The following BRINP1 variants were observed in gnomAD, a reference collection of about 807,000 sequenced individuals.
BRINP1 encodes the protein BMP/retinoic acid-inducible neural-specific protein 1.
In BRINP1, 17 loss-of-function variants were observed where a neutral mutation model predicts 72.9. The observed-to-expected ratio is 0.23, with a 90% confidence interval of 0.16 to 0.35. BRINP1 has a LOEUF of 0.35. Ranked by LOEUF, BRINP1 falls within the 10% of genes least tolerant of loss-of-function variation. The probability of loss-of-function intolerance (pLI) is 1.00; values close to 1 mark genes in which losing one functional copy is unlikely to be tolerated. For synonymous variants in BRINP1, 418 were observed against 378.5 expected, an observed-to-expected ratio of 1.10 and a Z score of -1.21; for missense variants, 850 against 1,001.6, an observed-to-expected ratio of 0.85 and a Z score of 2.04.
chr9:119,255,907 A>T (rs953800225), intron 2 of BRINP1, among the ~76,000 whole-genome samples: 3 of 122,314 alleles, frequency 2.5e-5, no homozygotes, highest in African/African-American at 8.9e-5. Flanking sequence ...GTGAGCCGGG[A>T]TCGAGCCACT....
At chr9:119,180,550 C>T (rs1441014175) in intron 7 of BRINP1, among the ~76,000 whole-genome samples, 1 of 151,478 alleles carries the variant, frequency 6.6e-6, no homozygotes, top group Non-Finnish European at 1.5e-5. Context: ...ATGAATACGT[C>T]AAGTCAGTGG....
intron 2 of BRINP1, among the ~76,000 whole-genome samples, chr9:119,288,204 T>C (rs879614953): frequency 1.3e-5 from 2 of 152,196 alleles, no homozygotes; most frequent in Non-Finnish European, 2.9e-5. Flanking sequence ...CCTGAAGAGA[T>C]TCATTTAAGG....
intron 7 of BRINP1, among the ~76,000 whole-genome samples, chr9:119,199,637 A>C (rs1829782814): frequency 6.6e-6 from 1 of 152,162 alleles, no homozygotes; most frequent in Non-Finnish European, 1.5e-5. Flanking sequence ...TTAAGCTTCC[A>C]TGGATCTTAT....
intron 2 of BRINP1, among the ~76,000 whole-genome samples, chr9:119,271,769 C>A (rs1398947548): frequency 6.6e-6 from 1 of 151,848 alleles, no homozygotes; most frequent in Non-Finnish European, 1.5e-5. Context: ...TGTTGATTTG[C>A]CACTTCTTTG....
intron 7 of BRINP1, among the ~76,000 whole-genome samples, chr9:119,183,829 G>A (rs952891149): frequency 6.6e-6 from 1 of 152,098 alleles, no homozygotes; most frequent in Non-Finnish European, 1.5e-5. Context: ...TGAAAAAACT[G>A]AGGCTCAGAG....
At chr9:119,237,135 A>G (rs1830199434) in intron 5 of BRINP1, among the ~76,000 whole-genome samples, 1 of 152,112 alleles carries the variant, frequency 6.6e-6, no homozygotes, top group Non-Finnish European at 1.5e-5. Flanking sequence ...TCCCACTGAC[A>G]TTCAGAATCA....
chr9:119,313,448 C>T lies in BRINP1; in HGVS notation c.-50-43G>A, dbSNP rs950658242. Reference sequence around the variant, plus strand: ...AAAAAGAGAGAGAAAAAAAGAGAAACCAAAAGAGAGAGAGGAGAGGGGAAG... The same window carrying T: ...AAAAAGAGAGAGAAAAAAAGAGAAATCAAAAGAGAGAGAGGAGAGGGGAAG... On this transcript the variant is annotated intron_variant, in intron 1 of 7. Coordinates refer to ENST00000265922, the MANE Select transcript of BRINP1 (RefSeq NM_014618.3). The T allele has an allele frequency of 2.8e-6, 4 of 1,448,068 alleles. No homozygotes were observed. In the African/African-American group the frequency reaches 5.8e-5, roughly 21 times the overall value. The allele number at this position is 1,448,068 out of a possible 1,614,324, so 89.7% of individuals were successfully genotyped here. A position where few individuals can be genotyped will look rare whatever the true frequency, so the allele number is the denominator to read the frequency against.
intron 5 of BRINP1, among the ~76,000 whole-genome samples, chr9:119,219,686 AGAG>A (rs1830018796): frequency 7.1e-6 from 1 of 141,482 alleles, no homozygotes; most frequent in Non-Finnish European, 1.6e-5. Flanking sequence ...AGAGAGAGAG[AGAG>A]AGAGAGAAAG....
chr9:119,295,548 C>G (rs948259471), intron 2 of BRINP1, among the ~76,000 whole-genome samples: 4 of 152,068 alleles, frequency 2.6e-5, no homozygotes, highest in Non-Finnish European at 4.4e-5. Context: ...AGAAAAGGCA[C>G]AGTAAAAATA....
chr9:119,349,071 TCTTC>T (rs1410909909), intron 1 of BRINP1, among the ~76,000 whole-genome samples: 1 of 152,114 alleles, frequency 6.6e-6, no homozygotes, highest in Admixed American at 6.5e-5. Flanking sequence ...TGAACCCAAG[TCTTC>T]CAAGGCCCCT....
intron 1 of BRINP1, among the ~76,000 whole-genome samples, chr9:119,332,613 C>T (rs1831310604): frequency 6.6e-6 from 1 of 152,208 alleles, no homozygotes; most frequent in Non-Finnish European, 1.5e-5. Flanking sequence ...AACCTCTGTG[C>T]TCCTGCTACT....
intron 7 of BRINP1, among the ~76,000 whole-genome samples, chr9:119,185,065 T>C (rs2118842684): frequency 6.6e-6 from 1 of 152,212 alleles, no homozygotes; most frequent in African/African-American, 2.4e-5. Flanking sequence ...TTAGCTCAGG[T>C]CCATCTCACA....
chr9:119,282,951 A>G (rs675878), intron 2 of BRINP1: 450,919 of 984,880 alleles, frequency 0.46, 104,182 homozygotes, highest in Non-Finnish European at 0.47. Context: ...CTTCAATGTT[A>G]TATTAATCAC....
rs181226003 is a variant in BRINP1 at position 119,308,170 on chromosome 9, G to T, written c.218+4968C>A. On this transcript the variant is annotated intron_variant, in intron 2 of 7. Transcript: ENST00000265922. The stretch of plus-strand genomic sequence containing the variant: ...AGAGTCATCATGGAAAAATAAATGG[G>T]TGTTCTTTTTTTCCAGAAAACATCT... 3.6e-3 allele frequency among the ~76,000 whole-genome samples: 547 copies of T among 152,204 alleles called. 5 individuals carry two copies. The highest frequency in any genetic ancestry group is 0.028 in the South Asian group (133 of 4,820).
Position 119,208,730 on chromosome 9 carries a change from C to G in BRINP1, c.1134G>C (p.Leu378=). 1.2e-6 allele frequency: 2 copies of G among 1,612,956 alleles called. No individual in the cohort carries two copies. The highest frequency in any genetic ancestry group is 1.7e-6 in the Non-Finnish European group (2 of 1,180,016). ...VRCRHNPNHQ[L]PRERTIQQWL... is the part of the protein sequence containing the mutation. ...GTGGCAACACTTACCTCTCTCTAGG[C>G]AGCTGGTGGTTGGGATTGTGGCGAC... The change falls in exon 7 of 8, where the codon CTG becomes CTC. Residue 378 remains leucine, a synonymous_variant. Transcript: ENST00000265922.
chr9:119,234,761 C>G (rs1287595846), intron 5 of BRINP1, among the ~76,000 whole-genome samples: 1 of 152,060 alleles, frequency 6.6e-6, no homozygotes, highest in Non-Finnish European at 1.5e-5. Context: ...TTGCCTTCCA[C>G]TAGGAGAATA....
chr9:119,267,299 A>G (rs1260076627), intron 2 of BRINP1, among the ~76,000 whole-genome samples: 2 of 152,146 alleles, frequency 1.3e-5, no homozygotes, highest in East Asian at 3.9e-4. Context: ...ACACATTTGA[A>G]AAAGCAACCA....
intron 1 of BRINP1, among the ~76,000 whole-genome samples, chr9:119,325,844 C>T (rs964447270): frequency 3.9e-5 from 6 of 152,132 alleles, no homozygotes; most frequent in African/African-American, 1.4e-4. Context: ...GCTTCCACAC[C>T]CCATCCTCAA....
chr9:119,296,044 C>A (rs1830873915), intron 2 of BRINP1, among the ~76,000 whole-genome samples: 1 of 152,026 alleles, frequency 6.6e-6, no homozygotes, highest in Admixed American at 6.6e-5. Flanking sequence ...AAGTGGGATT[C>A]CATCTAACTA....
Sources: allele counts gnomAD v4.1 joint callset (sites outside exome capture counted in the v4.1 genomes callset), GRCh38; gene constraint gnomAD v4.1.1; transcripts MANE v1.5; gene names NCBI Gene and HGNC (gene_info 2026-07-23, HGNC 2026-07-21).